TMC2: variants seen among roughly 807,000 people sequenced by gnomAD.
TMC2 encodes the protein transmembrane channel like 2.
In TMC2, 102 loss-of-function variants were observed where a neutral mutation model predicts 105.9. The ratio of observed to expected loss-of-function variants is 0.96; its 90% CI spans 0.82 to 1.14. TMC2 has a LOEUF of 1.14. Ranked by LOEUF, TMC2 falls within the 50% of genes most tolerant of loss-of-function variation. The pLI is 0.00. For missense variants in TMC2, 1,093 were observed against 1,134.3 expected (o/e 0.96, Z 0.52); for synonymous variants, 402 against 422.8 (o/e 0.95, Z 0.60).
At chr20:2,578,924 A>C (rs2086166635) in intron 5 of TMC2, among the ~76,000 whole-genome samples, 1 of 152,180 alleles carries the variant, frequency 6.6e-6, no homozygotes, top group Non-Finnish European at 1.5e-5. Context: ...GGTGGCCCTC[A>C]CTTGTCTCTC....
At chr20:2,638,886 T>C (rs964323315) in intron 19 of TMC2, among the ~76,000 whole-genome samples, 6 of 152,150 alleles carry the variant, frequency 3.9e-5, no homozygotes, top group Non-Finnish European at 5.9e-5. Context: ...AGGTTTATTA[T>C]TGAAGAAAGA....
chr20:2,617,072 G>A lies in TMC2; in HGVS notation c.1941G>A (p.Trp647Ter). 3 of 1,614,158 alleles carry A rather than the reference G, an allele frequency of 1.9e-6. No individual in the cohort carries two copies. Among genetic ancestry groups the A allele is most frequent in the Non-Finnish European group, 2.5e-6 (3 of 1,180,020 alleles). Residue 647 changes from tryptophan to a stop codon, truncating the protein, a stop_gained and splice_region_variant, in exon 16 of 20, where the codon TGG (tryptophan) becomes TGA (stop). Transcript: ENST00000358864. LOFTEE classifies it high-confidence loss of function. ...AGGTGTTTGGTTTCTGCCATTCCAG[G>A]ATGGGCTCCTTCTATGCTCCAGGCC... ...LGLIFNQGMIWMGSFYAPGLV... is the reference protein window; with the variant it reads ...LGLIFNQGMI
At chr20:2,578,875 C>T (rs6115022) in intron 5 of TMC2, among the ~76,000 whole-genome samples, 20,405 of 152,258 alleles carry the variant, frequency 0.13, 1,771 homozygotes, top group African/African-American at 0.24. Context: ...ACTTTATCTA[C>T]AAACTGTCCA....
At chr20:2,578,787 T>C (rs1003214140) in intron 5 of TMC2, among the ~76,000 whole-genome samples, 6 of 152,252 alleles carry the variant, frequency 3.9e-5, no homozygotes, top group Admixed American at 3.3e-4. Context: ...AATTTTTGTT[T>C]TAAGTTGAAG....
At chr20:2,600,773 G>A (rs1211260580) in intron 10 of TMC2, among the ~76,000 whole-genome samples, 5 of 151,594 alleles carry the variant, frequency 3.3e-5, no homozygotes, top group East Asian at 3.9e-4. Context: ...GCAGTGAGCC[G>A]AGATTGTGCC....
intron 8 of TMC2, among the ~76,000 whole-genome samples, chr20:2,594,154 A>G (rs995363512): frequency 5.3e-5 from 8 of 151,594 alleles, no homozygotes; most frequent in Non-Finnish European, 1.2e-4. Flanking sequence ...TTCACTCTCA[A>G]AGTCAGATTG....
chr20:2,579,087 C>T (rs2086168263), intron 5 of TMC2, 59 bp from the exon 6 acceptor site: 2 of 961,960 alleles, frequency 2.1e-6, no homozygotes, highest in South Asian at 2.6e-5. Context: ...CTCATCATGC[C>T]CCTTTGTGCT....
intron 17 of TMC2, among the ~76,000 whole-genome samples, chr20:2,629,894 C>T (rs2086591243): frequency 6.6e-6 from 1 of 152,178 alleles, no homozygotes; most frequent in African/African-American, 2.4e-5. Context: ...TATTTATTAT[C>T]TATGACTGTT....
chr20:2,606,891 CTT>C (rs11476357), intron 11 of TMC2, among the ~76,000 whole-genome samples: 2,387 of 83,978 alleles, frequency 0.028, 23 homozygotes, highest in African/African-American at 0.069. Flanking sequence ...TTTCTTTTTT[CTT>C]TTTTTTTTTT....
chr20:2,581,944 T>C (rs915574122), intron 7 of TMC2, among the ~76,000 whole-genome samples: 21 of 152,160 alleles, frequency 1.4e-4, no homozygotes, highest in African/African-American at 5.1e-4. Flanking sequence ...TGGCAGGTGA[T>C]TGGGAAAACC....
chr20:2,569,953 C>T (rs73894815), intron 4 of TMC2, among the ~76,000 whole-genome samples: 2,126 of 152,242 alleles, frequency 0.014, 42 homozygotes, highest in African/African-American at 0.048. Context: ...TAAAAGCCTC[C>T]AACAAACTAG....
At chr20:2,597,549 G>A (rs1310945427) in intron 10 of TMC2, among the ~76,000 whole-genome samples, 1 of 152,116 alleles carries the variant, frequency 6.6e-6, no homozygotes, top group Non-Finnish European at 1.5e-5. Flanking sequence ...GTGCAGTGGT[G>A]TGCTCTCAGC....
chr20:2,556,092 A>G (rs1205055407), intron 2 of TMC2, among the ~76,000 whole-genome samples: 3 of 150,844 alleles, frequency 2.0e-5, no homozygotes, highest in African/African-American at 4.9e-5. Flanking sequence ...TTTATTTTTT[A>G]TTTTTATTTT....
At chr20:2,579,851 A>G (rs1036185498) in intron 6 of TMC2, 99 bp from the exon 7 acceptor site, 1 of 688,504 alleles carries the variant, frequency 1.5e-6, no homozygotes, top group Non-Finnish European at 2.6e-6. Flanking sequence ...CATTCAACAG[A>G]CTGATGTGAA....
chr20:2,625,042 G>T (rs553818412), intron 17 of TMC2, among the ~76,000 whole-genome samples: 1 of 152,116 alleles, frequency 6.6e-6, no homozygotes, highest in Admixed American at 6.6e-5. Flanking sequence ...CTGTATCCCC[G>T]GTGCCAGCCT....
In TMC2 at chr20:2,539,990, C is replaced by CTTTTT. The variant is rs57860432; in HGVS notation, c.82+2688_82+2692dup. 8.9e-4 allele frequency among the ~76,000 whole-genome samples: 102 copies of CTTTTT among 115,044 alleles called. 1 individual carries two copies. Among genetic ancestry groups the CTTTTT allele is most frequent in the Non-Finnish European group, 1.1e-3 (62 of 58,898 alleles). 75.5% of individuals were successfully genotyped at this position (115,044 alleles called of 152,430 possible). A position where few individuals can be genotyped will look rare whatever the true frequency, so the allele number is the denominator to read the frequency against. ...CAAGACTATTCTTTTCTTTTCTTTTCTTTTTTTTTTTTTTTTTTGAGATGG... is the reference window on the plus strand; with the variant it reads ...CAAGACTATTCTTTTCTTTTCTTTTCTTTTTTTTTTTTTTTTTTTTTTTGAGATGG... On this transcript the variant is annotated intron_variant, in intron 2 of 19. Transcript: ENST00000358864.
Position 2,617,234 on chromosome 20 carries a change from G to C in TMC2, c.2103G>C (p.Leu701=). 6.2e-7 allele frequency: 1 copy of C among 1,614,162 alleles called. No homozygotes were observed. Among genetic ancestry groups the C allele is most frequent in the South Asian group, 1.1e-5 (1 of 91,074 alleles). The change falls in exon 16 of 20, where the codon CTG becomes CTC. Residue 701 remains leucine, a synonymous_variant. Coordinates refer to ENST00000358864, the MANE Select transcript of TMC2 (RefSeq NM_080751.3). ...SNNFYMGLLL[L]VLFLSLLPVA... ...ACTTCTACATGGGCCTCCTGCTGCTGGTGCTCTTCCTCAGCCTCCTGCCGG... is the reference window on the plus strand; with the variant it reads ...ACTTCTACATGGGCCTCCTGCTGCTCGTGCTCTTCCTCAGCCTCCTGCCGG...
intron 11 of TMC2, among the ~76,000 whole-genome samples, chr20:2,607,441 A>G (rs1488259845): frequency 6.6e-6 from 1 of 152,174 alleles, no homozygotes; most frequent in Non-Finnish European, 1.5e-5. Flanking sequence ...GACAAATTTC[A>G]AAAGTTCAAG....
At chr20:2,574,612 T>C (rs1436689014) in intron 5 of TMC2, among the ~76,000 whole-genome samples, 1 of 152,244 alleles carries the variant, frequency 6.6e-6, no homozygotes, top group Non-Finnish European at 1.5e-5. Context: ...CAATAATTCA[T>C]ATTCTTCCTG....
Sources: allele counts gnomAD v4.1 joint callset (sites outside exome capture counted in the v4.1 genomes callset), GRCh38; gene constraint gnomAD v4.1.1; transcripts MANE v1.5; gene names NCBI Gene and HGNC (gene_info 2026-07-23, HGNC 2026-07-21).